The following FN3KRP variants were observed in gnomAD, a reference collection of about 807,000 sequenced individuals.
FN3KRP encodes ketosamine-3-kinase.
Under a neutral mutation model 29.8 loss-of-function variants are expected in FN3KRP, and 33 were observed. The observed-to-expected ratio is 1.11, with a 90% CI of 0.84 to 1.48. The LOEUF is 1.48. Ranked by LOEUF, FN3KRP falls within the 40% of genes most tolerant of loss-of-function variation. The pLI is 0.00. For synonymous variants in FN3KRP, 157 were observed against 155.2 expected (o/e 1.01, Z -0.09); for missense variants, 430 against 402.6 (o/e 1.07, Z -0.58).
chr17:82,716,734 G>A lies in FN3KRP; in HGVS notation c.-22G>A, dbSNP rs780845169. ...TCGAGTCTCCGCCAGATCCGGGGCGGGTCCGCGGCCGCGGCGGGAACATGG... is the reference window on the plus strand; with the variant it reads ...TCGAGTCTCCGCCAGATCCGGGGCGAGTCCGCGGCCGCGGCGGGAACATGG... On this transcript the variant is annotated 5_prime_UTR_variant, in exon 1 of 6. Coordinates refer to ENST00000269373, the MANE Select transcript of FN3KRP (RefSeq NM_024619.4). The A allele has an allele frequency of 1.5e-5, 22 of 1,482,038 alleles. No individual in the cohort carries two copies. Among genetic ancestry groups the A allele is most frequent in the South Asian group, 4.0e-5 (3 of 74,188 alleles). 91.8% of individuals were successfully genotyped at this position (1,482,038 alleles called of 1,614,324 possible).
intron 4 of FN3KRP, among the ~76,000 whole-genome samples, chr17:82,725,485 T>C (rs1281962267): frequency 6.6e-6 from 1 of 152,086 alleles, no homozygotes; most frequent in East Asian, 1.9e-4. Flanking sequence ...GGAGTCTCGC[T>C]GTCACCCAGG....
rs2046807829 is a variant in FN3KRP, at chr17:82,722,835, T to C, written c.417T>C (p.Phe139=). The C allele has an allele frequency of 5.6e-6, 9 of 1,614,116 alleles. No individual in the cohort carries two copies. Among genetic ancestry groups the C allele is most frequent in the Non-Finnish European group, 7.6e-6 (9 of 1,180,028 alleles). Residue 139 remains phenylalanine, a synonymous_variant, in exon 4 of 6, where the codon TTT becomes TTC. Transcript: ENST00000269373. Reference sequence around the variant, plus strand: ...GAGGTGGGCAGGAGGAACGGCCCTTTGTGGCCCGGTTTGGATTTGACGTGG... The same window carrying C: ...GAGGTGGGCAGGAGGAACGGCCCTTCGTGGCCCGGTTTGGATTTGACGTGG... The part of the protein sequence containing the change: ...GRGGGQEERP[F]VARFGFDVVT...
chr17:82,725,534 C>T (rs1025107775), intron 4 of FN3KRP, among the ~76,000 whole-genome samples: 2 of 152,044 alleles, frequency 1.3e-5, no homozygotes, highest in African/African-American at 4.8e-5. Context: ...ACTGCAACCT[C>T]CAGCTTCCGG....
intron 3 of FN3KRP, among the ~76,000 whole-genome samples, chr17:82,722,421 C>G (rs1032946961): frequency 1.3e-5 from 2 of 152,254 alleles, no homozygotes; most frequent in African/African-American, 4.8e-5. Context: ...TTAAGAACAT[C>G]CTCCCCTTTG....
intron 5 of FN3KRP, 108 bp from the exon 6 acceptor site, chr17:82,726,722 CTGG>C: frequency 6.6e-7 from 1 of 1,509,512 alleles, no homozygotes; most frequent in Non-Finnish European, 8.9e-7. Context: ...AAGCGGGTGC[CTGG>C]TGGTGTGCTA....
At position 82,727,388 on chromosome 17, in the gene FN3KRP, G is replaced by T. The variant is rs1051350167; in HGVS notation, c.*217G>T. Reference sequence around the variant, plus strand: ...GTAGACGGAGCCACACTACAGGCAGGGTATGAGCAGAGGGATGTATGGAGT... The same window carrying T: ...GTAGACGGAGCCACACTACAGGCAGTGTATGAGCAGAGGGATGTATGGAGT... On this transcript the variant is annotated 3_prime_UTR_variant, in exon 6 of 6. Coordinates refer to ENST00000269373, the MANE Select transcript of FN3KRP (RefSeq NM_024619.4). 12 of 515,896 alleles carry T rather than the reference G, an allele frequency of 2.3e-5. No homozygotes were observed. The Admixed American group carries it at 2.6e-4, about 11-fold the overall frequency. 32.0% of individuals were successfully genotyped at this position (515,896 alleles called of 1,614,324 possible).
chr17:82,719,887 G>A (rs181564376), intron 2 of FN3KRP, among the ~76,000 whole-genome samples: 7 of 152,302 alleles, frequency 4.6e-5, no homozygotes, highest in East Asian at 3.9e-4. Flanking sequence ...CCTACTAGCC[G>A]GCTGTGGTGG....
At chr17:82,717,084 TC>T (rs915997814) in intron 1 of FN3KRP, among the ~76,000 whole-genome samples, 188 bp downstream of exon 1, 1 of 151,814 alleles carries the variant, frequency 6.6e-6, no homozygotes, top group Admixed American at 6.6e-5. Flanking sequence ...GGCGGAAGCG[TC>T]CGGGGCGTCC....
At chr17:82,718,483 G>A in intron 1 of FN3KRP, 2 of 990,522 alleles carry the variant, frequency 2.0e-6, no homozygotes, top group South Asian at 9.2e-5. Context: ...GGCAGCCAGG[G>A]TGCCGCCTGC....
chr17:82,727,366 G>C lies in FN3KRP; in HGVS notation c.*195G>C. On this transcript the variant is annotated 3_prime_UTR_variant, in exon 6 of 6. Transcript: ENST00000269373. ...TCCACTTTGTGGGGCTTTGTAGGTA[G>C]ACGGAGCCACACTACAGGCAGGGTA... 1 of 565,136 alleles carries C rather than the reference G, an allele frequency of 1.8e-6. No homozygotes were observed. The highest frequency in any genetic ancestry group is 2.9e-5 in the East Asian group (1 of 34,146). 35.0% of individuals were successfully genotyped at this position (565,136 alleles called of 1,614,324 possible). A position where few individuals can be genotyped will look rare whatever the true frequency, so the allele number is the denominator to read the frequency against.
intron 4 of FN3KRP, among the ~76,000 whole-genome samples, chr17:82,723,697 A>G (rs763788669): frequency 6.6e-6 from 1 of 152,046 alleles, no homozygotes; most frequent in Admixed American, 6.6e-5. Flanking sequence ...GTGTGTGCGC[A>G]TGACTGTGTG....
rs138855771 is a variant in FN3KRP at position 82,723,365 on chromosome 17, A to G, written c.468+479A>G. Among the ~76,000 whole-genome samples, 719 of 152,006 alleles carry G rather than the reference A, an allele frequency of 4.7e-3. 4 individuals are homozygous for G. Among genetic ancestry groups the G allele is most frequent in the African/African-American group, 0.016 (681 of 41,440 alleles). ...CCTGGCGGGCGCGGGGGCAGTAGAA[A>G]GACTTTGAAATGTTGAAGTTTGTTC... is the stretch of plus-strand genomic sequence containing the variant. On this transcript the variant is annotated intron_variant, in intron 4 of 5. Transcript: ENST00000269373.
chr17:82,717,045 T>C (rs909946352), intron 1 of FN3KRP, 149 bp downstream of exon 1: 2 of 1,032,340 alleles, frequency 1.9e-6, no homozygotes, highest in Non-Finnish European at 2.7e-6. Context: ...CGGGGAACCC[T>C]TTGCGCGGGG....
chr17:82,727,088 T>G lies in FN3KRP; in HGVS notation c.847T>G (p.Phe283Val). 1 of 1,614,150 alleles carries G rather than the reference T, an allele frequency of 6.2e-7. No individual in the cohort carries two copies. Among genetic ancestry groups the G allele is most frequent in the Non-Finnish European group, 8.5e-7 (1 of 1,180,026 alleles). ...FEKRLQLYQL[F>V]HYLNHWNHFG... ...GAAGCGCCTTCAGTTGTATCAGCTCTTTCACTACTTGAACCACTGGAATCA... is the reference window on the plus strand; with the variant it reads ...GAAGCGCCTTCAGTTGTATCAGCTCGTTCACTACTTGAACCACTGGAATCA... The change falls in exon 6 of 6, where the codon TTT (phenylalanine) becomes GTT (valine). Residue 283 changes from phenylalanine to valine, a missense_variant. Transcript: ENST00000269373.
At position 82,716,733 on chromosome 17, in the gene FN3KRP, G is replaced by A. The variant is rs1271162504; in HGVS notation, c.-23G>A. 20 of 1,479,806 alleles carry A rather than the reference G, an allele frequency of 1.4e-5. No individual in the cohort carries two copies. The highest frequency in any genetic ancestry group is 1.8e-5 in the Non-Finnish European group (20 of 1,122,328). 91.7% of individuals were successfully genotyped at this position (1,479,806 alleles called of 1,614,324 possible). ...CTCGAGTCTCCGCCAGATCCGGGGC[G>A]GGTCCGCGGCCGCGGCGGGAACATG... is the stretch of plus-strand genomic sequence containing the variant. On this transcript the variant is annotated 5_prime_UTR_variant, in exon 1 of 6. Coordinates refer to ENST00000269373, the MANE Select transcript of FN3KRP (RefSeq NM_024619.4).
intron 1 of FN3KRP, among the ~76,000 whole-genome samples, chr17:82,717,753 C>T (rs1598331687): frequency 6.6e-6 from 1 of 152,048 alleles, no homozygotes; most frequent in African/African-American, 2.4e-5. Flanking sequence ...GCAGCGGTGA[C>T]ATGGCAGCTG....
chr17:82,717,537 G>A lies in FN3KRP; in HGVS notation c.141+641G>A, dbSNP rs1271919572. On this transcript the variant is annotated intron_variant, in intron 1 of 5. Coordinates refer to ENST00000269373, the MANE Select transcript of FN3KRP (RefSeq NM_024619.4). ...GTTCGAGACCAGCCTGGCCAACAAG[G>A]TGAAACCCCCGTCTCTATTAAAAAT... Among the ~76,000 whole-genome samples the A allele has an allele frequency of 6.3e-4, 4 of 6,380 alleles. No homozygotes were observed. In the Admixed American group the frequency reaches 7.7e-3, roughly 12 times the overall value. The allele number at this position is 6,380 out of a possible 152,430, so 4.2% of individuals were successfully genotyped here.
In FN3KRP at chr17:82,726,491, G is replaced by A. The variant is rs1322374465; in HGVS notation, c.480G>A (p.Trp160Ter). 6.2e-7 allele frequency: 1 copy of A among 1,613,880 alleles called. No homozygotes were observed. The highest frequency in any genetic ancestry group is 8.5e-7 in the Non-Finnish European group (1 of 1,179,880). ...CCGYLPQVND[W>*]QEDWVVFYAR... is the part of the protein sequence containing the mutation. ...CTGTTACTGTGCAGGTGAATGACTG[G>A]CAGGAGGACTGGGTCGTGTTCTATG... is the stretch of plus-strand genomic sequence containing the variant. The change falls in exon 5 of 6, where the codon TGG becomes TGA. Residue 160 changes from tryptophan (W) to a stop codon, truncating the protein, a stop_gained. Transcript: ENST00000269373. LOFTEE classifies it high-confidence loss of function.
intron 4 of FN3KRP, among the ~76,000 whole-genome samples, chr17:82,724,760 G>T (rs139545251): frequency 6.6e-6 from 1 of 152,272 alleles, no homozygotes; most frequent in African/African-American, 2.4e-5. Flanking sequence ...ATGTGAGTGT[G>T]ACTTGGGACA....
Sources: gnomAD v4.1 joint callset for allele counts (sites outside exome capture counted in the v4.1 genomes callset) on GRCh38, gnomAD v4.1.1 for gene constraint, MANE v1.5 for transcripts, NCBI Gene and HGNC (gene_info 2026-07-23, HGNC 2026-07-21) for gene names.